CTNNAL1: variants seen among roughly 807,000 people sequenced by gnomAD.
The protein encoded by CTNNAL1 is alpha-catulin.
Under a neutral mutation model 93.6 loss-of-function variants are expected in CTNNAL1, and 69 were observed. That is an observed-to-expected ratio of 0.74 (90% confidence interval 0.61 to 0.90). The LOEUF (loss-of-function observed/expected upper bound fraction) is 0.90, where lower values mean the gene tolerates loss of function less well. Among genes scored for constraint, CTNNAL1 ranks in the 40% least tolerant of loss-of-function variants. The pLI is 0.00. For synonymous variants in CTNNAL1, 286 were observed against 305.4 expected (o/e 0.94, Z 0.66); for missense variants, 836 against 862.0 (o/e 0.97, Z 0.38).
intron 8 of CTNNAL1, 31 bp from the exon 9 acceptor site, chr9:108,972,864 G>GGGGGGGGCCCCCCCCCCCCCCCCCCC: frequency 7.0e-6 from 1 of 142,588 alleles, no homozygotes; most frequent in Non-Finnish European, 1.0e-5. Context: ...GGGGGGGTGG[G>GGGGGGGGCCCCCCCCCCCCCCCCCCC]AGGGTGGAGA....
intron 1 of CTNNAL1, 81 bp downstream of exon 1, chr9:109,013,221 C>CG: frequency 7.2e-7 from 1 of 1,383,288 alleles, no homozygotes; most frequent in Non-Finnish European, 9.4e-7. Context: ...CGGCTGCCTC[C>CG]CGTCCGGTCG....
chr9:109,003,913 C>T (rs1179901971), intron 1 of CTNNAL1, among the ~76,000 whole-genome samples: 1 of 152,176 alleles, frequency 6.6e-6, no homozygotes, highest in African/African-American at 2.4e-5. Flanking sequence ...AATATGTCCA[C>T]AAATTATTTG....
chr9:108,987,072 C>T (rs1283455720), intron 4 of CTNNAL1, among the ~76,000 whole-genome samples: 2 of 152,132 alleles, frequency 1.3e-5, no homozygotes, highest in African/African-American at 2.4e-5. Context: ...GTTGCCATTG[C>T]TTTTGGTGTT....
chr9:108,972,864 G>GGGGGGGGGGCCCCCCCCCCCC, intron 8 of CTNNAL1, 31 bp from the exon 9 acceptor site: 9 of 142,444 alleles, frequency 6.3e-5, no homozygotes, highest in African/African-American at 9.6e-5. Flanking sequence ...GGGGGGGTGG[G>GGGGGGGGGGCCCCCCCCCCCC]AGGGTGGAGA....
chr9:108,958,733 CT>C (rs1295596305), intron 11 of CTNNAL1, among the ~76,000 whole-genome samples: 14 of 147,914 alleles, frequency 9.5e-5, no homozygotes, highest in Admixed American at 6.8e-5. Context: ...TTTCCCACTT[CT>C]TTTTTTTTTG....
intron 2 of CTNNAL1, among the ~76,000 whole-genome samples, chr9:108,994,816 G>A (rs1831954073): frequency 6.6e-6 from 1 of 152,192 alleles, no homozygotes; most frequent in African/African-American, 2.4e-5. Flanking sequence ...AGCTGTCTGG[G>A]TTGCTCTCTC....
At chr9:108,942,918 C>A in intron 18 of CTNNAL1, 43 bp downstream of exon 18, 4 of 1,608,590 alleles carry the variant, frequency 2.5e-6, no homozygotes, top group East Asian at 4.5e-5. Context: ...TTCTTTTAAA[C>A]CATTTTTTAA....
chr9:108,991,553 C>T (rs1831806055), intron 3 of CTNNAL1, among the ~76,000 whole-genome samples: 1 of 152,040 alleles, frequency 6.6e-6, no homozygotes. Context: ...AAAAAAAACA[C>T]AGATATCCTC....
At chr9:108,958,828 C>T (rs1052262107) in intron 11 of CTNNAL1, among the ~76,000 whole-genome samples, 5 of 151,612 alleles carry the variant, frequency 3.3e-5, no homozygotes, top group African/African-American at 9.7e-5. Flanking sequence ...TGGGTTCAAG[C>T]GATTCTCGTG....
In CTNNAL1 at chr9:108,976,988, G is replaced by T; in HGVS notation, c.1162C>A (p.His388Asn). 1 of 1,508,288 alleles carries T rather than the reference G, an allele frequency of 6.6e-7. No homozygotes were observed. The highest frequency in any genetic ancestry group is 1.3e-5 in the South Asian group (1 of 77,496). 93.4% of individuals were successfully genotyped at this position (1,508,288 alleles called of 1,614,324 possible). Residue 388 changes from histidine (H) to asparagine (N), a missense_variant, in exon 8 of 19, where the codon CAC becomes AAC. Physicochemically the swap from His to Asn is moderately conservative, Grantham distance 68. Coordinates refer to ENST00000325551, the MANE Select transcript of CTNNAL1 (RefSeq NM_003798.4). ...ELELSILKISHSLNELKKELH... is the reference protein window; with the variant it reads ...ELELSILKISNSLNELKKELH... ...TCTTTCTTAAGTTCATTAAGACTGT[G>T]ACTGATTTTCAAAATACTGAGTTCC...
At chr9:108,967,361 T>G (rs1830984627) in intron 10 of CTNNAL1, among the ~76,000 whole-genome samples, 1 of 150,848 alleles carries the variant, frequency 6.6e-6, no homozygotes. Context: ...TGTTGTTCCA[T>G]GGAGTTGATT....
At chr9:108,983,061 G>C in intron 6 of CTNNAL1, 84 bp downstream of exon 6, 1 of 1,177,362 alleles carries the variant, frequency 8.5e-7, no homozygotes, top group South Asian at 3.3e-5. Flanking sequence ...CTGGGCAACA[G>C]AGCGAGACTC....
Position 108,970,465 on chromosome 9 carries a change from C to A in CTNNAL1, c.1377G>T (p.Gly459=). Residue 459 remains glycine (G), a synonymous_variant, in exon 10 of 19, where the codon GGG becomes GGT. Transcript: ENST00000325551. The part of the protein sequence containing the change: ...ETCRLLRHIS[G]TEPLEITCIH... ...TACAGGTTATTTCCAGAGGTTCTGTCCCAGATATGTGTCGTAACAATCGAC... is the reference window on the plus strand; with the variant it reads ...TACAGGTTATTTCCAGAGGTTCTGTACCAGATATGTGTCGTAACAATCGAC... The A allele has an allele frequency of 3.1e-6, 5 of 1,612,060 alleles. No individual in the cohort carries two copies. Among genetic ancestry groups the A allele is most frequent in the Non-Finnish European group, 3.4e-6 (4 of 1,179,212 alleles).
At chr9:108,967,581 AT>A (rs1166001523) in intron 10 of CTNNAL1, among the ~76,000 whole-genome samples, 18 of 152,346 alleles carry the variant, frequency 1.2e-4, no homozygotes, top group Admixed American at 3.9e-4. Flanking sequence ...TTAGAAGGGA[AT>A]AAAAATATGT....
At chr9:108,989,866 A>G (rs1391042895) in intron 4 of CTNNAL1, among the ~76,000 whole-genome samples, 7 of 152,080 alleles carry the variant, frequency 4.6e-5, no homozygotes, top group Non-Finnish European at 8.8e-5. Flanking sequence ...CCTGGCCAAC[A>G]TGGTGAAACC....
chr9:108,958,710 T>C (rs917897096), intron 11 of CTNNAL1, among the ~76,000 whole-genome samples: 9 of 151,676 alleles, frequency 5.9e-5, no homozygotes, highest in African/African-American at 1.9e-4. Flanking sequence ...TCCCAATTTT[T>C]TTATAGATGT....
chr9:108,953,563 TC>T (rs759468566), intron 12 of CTNNAL1, among the ~76,000 whole-genome samples: 26 of 152,200 alleles, frequency 1.7e-4, no homozygotes, highest in South Asian at 6.2e-4. Flanking sequence ...GGAAGGAAAA[TC>T]ATCACTAATA....
intron 2 of CTNNAL1, among the ~76,000 whole-genome samples, chr9:108,995,039 C>T (rs972819148): frequency 4.6e-5 from 7 of 152,212 alleles, no homozygotes; most frequent in African/African-American, 1.7e-4. Context: ...ATGAGACACA[C>T]TGACCCTGAG....
rs1831073569 is a variant in CTNNAL1, at chr9:108,970,290, A to G, written c.1440+112T>C. ...GAAATTCCATTATCTTTCTTTCTCT[A>G]TGTATATTTGGACTCTAGTTATGAA... On this transcript the variant is annotated intron_variant, in intron 10 of 18. Transcript: ENST00000325551. 8.2e-6 allele frequency: 7 copies of G among 853,592 alleles called. No homozygotes were observed. The Admixed American group carries it at 2.2e-4, about 27-fold the overall frequency. The allele number at this position is 853,592 out of a possible 1,614,324, so 52.9% of individuals were successfully genotyped here. A position where few individuals can be genotyped will look rare whatever the true frequency, so the allele number is the denominator to read the frequency against.
Sources: gnomAD v4.1 joint callset for allele counts (sites outside exome capture counted in the v4.1 genomes callset) on GRCh38, gnomAD v4.1.1 for gene constraint, MANE v1.5 for transcripts, NCBI Gene and HGNC (gene_info 2026-07-23, HGNC 2026-07-21) for gene names.